Variants in PTPRE observed in about 807,000 individuals in gnomAD.
PTPRE encodes receptor-type tyrosine-protein phosphatase epsilon.
PTPRE carries 51 observed loss-of-function variants against 102.0 expected under a neutral mutation model. The observed-to-expected ratio is 0.50, with a 90% CI of 0.40 to 0.63. PTPRE has a LOEUF of 0.63. Ranked by LOEUF, PTPRE falls within the 30% of genes least tolerant of loss-of-function variation. The probability of loss-of-function intolerance (pLI) is 0.00; values close to 1 mark genes in which losing one functional copy is unlikely to be tolerated. For missense variants in PTPRE, 752 were observed against 915.1 expected, an observed-to-expected ratio of 0.82 and a Z score of 2.30; for synonymous variants, 345 against 348.2, an observed-to-expected ratio of 0.99 and a Z score of 0.10.
intron 2 of PTPRE, among the ~76,000 whole-genome samples, chr10:127,984,520 GC>G (rs1488666039): frequency 1.3e-5 from 2 of 152,148 alleles, no homozygotes; most frequent in Non-Finnish European, 2.9e-5. Flanking sequence ...TATCTGTGCT[GC>G]CTTGTCTGCT....
intron 1 of PTPRE, among the ~76,000 whole-genome samples, chr10:127,916,701 G>C (rs1036062017): frequency 1.3e-5 from 2 of 152,134 alleles, no homozygotes; most frequent in Non-Finnish European, 2.9e-5. Flanking sequence ...GGACAGAGGG[G>C]ATGGGACAAA....
intron 1 of PTPRE, among the ~76,000 whole-genome samples, chr10:127,958,027 G>A (rs1210760171): frequency 2.0e-5 from 3 of 152,088 alleles, no homozygotes; most frequent in Non-Finnish European, 4.4e-5. Context: ...CTAACTTTTT[G>A]TATTAACTTT....
chr10:127,915,383 A>C (rs1846134877), intron 1 of PTPRE, among the ~76,000 whole-genome samples: 1 of 152,254 alleles, frequency 6.6e-6, no homozygotes. Context: ...CTGGTCAAAA[A>C]AGTACTCTGA....
rs924304506 is a variant in PTPRE, at chr10:128,028,253, G to A, written c.-7-12622G>A. On this transcript the variant is annotated intron_variant, in intron 2 of 20. Coordinates refer to ENST00000254667, the MANE Select transcript of PTPRE (RefSeq NM_006504.6). This position sits in a 1 kb window ranked among gnomAD's most constrained non-coding sequence, Gnocchi z 4.5. ...TTACCATCAATTAAATATGGGATCC[G>A]GATCACCCTGCGCCTGTCTCCTCCC... is the stretch of plus-strand genomic sequence containing the variant. 6.6e-6 allele frequency among the ~76,000 whole-genome samples: 1 copy of A among 152,128 alleles called. No individual in the cohort carries two copies. Among genetic ancestry groups the A allele is most frequent in the Non-Finnish European group, 1.5e-5 (1 of 68,020 alleles).
At chr10:128,073,513 T>C in intron 17 of PTPRE, 42 bp downstream of exon 17, 1 of 1,599,768 alleles carries the variant, frequency 6.3e-7, no homozygotes, top group African/African-American at 1.3e-5. Context: ...GGGCAGCCTG[T>C]GCACCTGAGG....
chr10:128,048,069 C>A (rs547511653), intron 5 of PTPRE, among the ~76,000 whole-genome samples: 3 of 152,178 alleles, frequency 2.0e-5, no homozygotes, highest in Non-Finnish European at 4.4e-5. Context: ...TTGTTTGTGG[C>A]TTTTTTTAGA....
chr10:127,951,829 A>G (rs1430055951), intron 1 of PTPRE, among the ~76,000 whole-genome samples: 1 of 152,148 alleles, frequency 6.6e-6, no homozygotes, highest in East Asian at 1.9e-4. Context: ...CCCACCTTCA[A>G]CTCTCCTATT....
At chr10:128,003,635 C>T (rs1014029549) in intron 2 of PTPRE, among the ~76,000 whole-genome samples, 20 of 152,170 alleles carry the variant, frequency 1.3e-4, no homozygotes, top group African/African-American at 4.6e-4. Flanking sequence ...CACGCGCGGA[C>T]ATCAGGCTCT....
intron 2 of PTPRE, among the ~76,000 whole-genome samples, chr10:128,026,027 C>G (rs970123812): frequency 3.3e-5 from 5 of 152,232 alleles, no homozygotes; most frequent in Non-Finnish European, 5.9e-5. Flanking sequence ...TTCCAGCACC[C>G]CGAGAGTCTC....
At position 128,070,474 on chromosome 10, in the gene PTPRE, C is replaced by T; in HGVS notation, c.1293+24C>T. On this transcript the variant is annotated intron_variant, in intron 14 of 20. Coordinates refer to ENST00000254667, the MANE Select transcript of PTPRE (RefSeq NM_006504.6). The surrounding 1 kb of genome is among the most constrained non-coding windows in gnomAD (Gnocchi z 4.8). ...GGGTGAGTACAGCTGACCCTCCTCT[C>T]CATCCTGGTGTAAGCAGCCAAGGGC... is the stretch of plus-strand genomic sequence containing the variant. The T allele has an allele frequency of 1.2e-6, 2 of 1,607,458 alleles. No homozygotes were observed. Among genetic ancestry groups the T allele is most frequent in the Non-Finnish European group, 1.7e-6 (2 of 1,177,414 alleles).
At chr10:127,948,321 T>TAC (rs1253908566) in intron 1 of PTPRE, among the ~76,000 whole-genome samples, 4 of 152,070 alleles carry the variant, frequency 2.6e-5, no homozygotes, top group Non-Finnish European at 5.9e-5. Context: ...CCCTTAACCC[T>TAC]ACACACACAC....
intron 12 of PTPRE, 80 bp downstream of exon 12, chr10:128,068,366 G>A: frequency 6.7e-7 from 1 of 1,485,856 alleles, no homozygotes. Context: ...CAATGCCAGG[G>A]GACCAATATC....
At chr10:127,924,196 G>A (rs1220979849) in intron 1 of PTPRE, among the ~76,000 whole-genome samples, 1 of 152,174 alleles carries the variant, frequency 6.6e-6, no homozygotes, top group East Asian at 1.9e-4. Flanking sequence ...TTTTCAGCAG[G>A]GAGGGCAAGC....
intron 1 of PTPRE, among the ~76,000 whole-genome samples, chr10:127,976,483 G>A (rs913295058): frequency 6.6e-6 from 1 of 152,144 alleles, no homozygotes; most frequent in Non-Finnish European, 1.5e-5. Context: ...TGAGAGGCAG[G>A]CAGGGATGCA....
In PTPRE at chr10:128,083,475, A is replaced by G. The variant is rs1412138403; in HGVS notation, c.*569A>G. On this transcript the variant is annotated 3_prime_UTR_variant, in exon 21 of 21. Transcript: ENST00000254667. ...GTCTTTACAACCTGAATCCAGGTCT[A>G]AAACACACTAGAGTAGCTGGTGACT... 13 of 152,386 alleles carry G rather than the reference A, an allele frequency of 8.5e-5. No individual in the cohort carries two copies. The highest frequency in any genetic ancestry group is 8.5e-4 in the Admixed American group (13 of 15,290). 9.4% of individuals were successfully genotyped at this position (152,386 alleles called of 1,614,324 possible). A position where few individuals can be genotyped will look rare whatever the true frequency, so the allele number is the denominator to read the frequency against.
intron 1 of PTPRE, among the ~76,000 whole-genome samples, chr10:127,972,054 A>G (rs1291449233): frequency 1.3e-5 from 2 of 152,212 alleles, no homozygotes; most frequent in African/African-American, 4.8e-5. Context: ...GTATTTCAGC[A>G]TCCTAGGCAG....
At chr10:127,999,944 C>T in intron 2 of PTPRE, 2 of 985,464 alleles carry the variant, frequency 2.0e-6, no homozygotes, top group Non-Finnish European at 2.4e-6. Context: ...CTAGGGGCTA[C>T]TGAGAACGCG....
At chr10:128,015,372 C>CTT (rs534909795) in intron 2 of PTPRE, among the ~76,000 whole-genome samples, 2 of 146,384 alleles carry the variant, frequency 1.4e-5, no homozygotes. Flanking sequence ...AGGAAGACCT[C>CTT]TTTTTTTTTT....
chr10:128,057,182 A>G (rs900315729), intron 7 of PTPRE, among the ~76,000 whole-genome samples: 2 of 150,778 alleles, frequency 1.3e-5, no homozygotes, highest in African/African-American at 4.9e-5. Context: ...GCGCCATTGC[A>G]CTCCAGCCTG....
Sources: gnomAD v4.1 joint callset for allele counts (sites outside exome capture counted in the v4.1 genomes callset) on GRCh38, gnomAD v4.1.1 for gene constraint, Gnocchi (gnomAD v3.1) non-coding constraint, MANE v1.5 for transcripts, NCBI Gene and HGNC (gene_info 2026-07-23, HGNC 2026-07-21) for gene names.